The following HPSE2 variants were observed in gnomAD, a reference collection of about 807,000 sequenced individuals.
The protein encoded by HPSE2 is inactive heparanase-2.
HPSE2 carries 38 observed loss-of-function variants against 60.5 expected under a neutral mutation model. The observed-to-expected ratio is 0.63, with a 90% CI of 0.48 to 0.82. HPSE2 has a LOEUF of 0.82. Ranked by LOEUF, HPSE2 falls within the 40% of genes least tolerant of loss-of-function variation. HPSE2 has a pLI of 0.00. For missense variants in HPSE2, 713 were observed against 740.4 expected (o/e 0.96, Z 0.43); for synonymous variants, 295 against 293.2 (o/e 1.01, Z -0.06).
At chr10:98,978,540 G>GTAGC (rs2135290687) in intron 3 of HPSE2, among the ~76,000 whole-genome samples, 1 of 152,218 alleles carries the variant, frequency 6.6e-6, no homozygotes, top group South Asian at 2.1e-4. Context: ...TAGCCAACTG[G>GTAGC]TAGCTTATTC....
intron 9 of HPSE2, among the ~76,000 whole-genome samples, chr10:98,605,737 G>T (rs562791647): frequency 2.0e-5 from 3 of 152,206 alleles, no homozygotes; most frequent in Admixed American, 1.3e-4. Flanking sequence ...AGCATCAGGT[G>T]CAGGGAGCTT....
chr10:99,232,244 CACACACACACACGAACACACAG>C, intron 2 of HPSE2, 82 bp downstream of exon 2: 6 of 1,350,332 alleles, frequency 4.4e-6, no homozygotes, highest in East Asian at 2.5e-5. Flanking sequence ...CACACACACA[CACACACACACACGAACACACAG>C]ACACACGAAC....
At chr10:98,505,089 T>C (rs1942157235) in intron 9 of HPSE2, among the ~76,000 whole-genome samples, 2 of 152,232 alleles carry the variant, frequency 1.3e-5, no homozygotes, top group South Asian at 4.1e-4. Flanking sequence ...AATTTATTTA[T>C]CTATTCTCCT....
At chr10:98,468,787 G>C (rs570408912) in intron 11 of HPSE2, among the ~76,000 whole-genome samples, 1 of 152,202 alleles carries the variant, frequency 6.6e-6, no homozygotes, top group East Asian at 1.9e-4. Context: ...TTAACAGAGA[G>C]GACTGTAAGG....
chr10:98,798,427 T>C (rs1950829225), intron 3 of HPSE2, among the ~76,000 whole-genome samples: 1 of 152,124 alleles, frequency 6.6e-6, no homozygotes, highest in Non-Finnish European at 1.5e-5. Flanking sequence ...CATGAAAACA[T>C]AGCATATTGT....
At chr10:98,989,318 A>G (rs1956460764) in intron 3 of HPSE2, among the ~76,000 whole-genome samples, 1 of 152,192 alleles carries the variant, frequency 6.6e-6, no homozygotes, top group East Asian at 1.9e-4. Context: ...AGGCAGCCAT[A>G]AAAAATGATG....
intron 9 of HPSE2, among the ~76,000 whole-genome samples, chr10:98,562,052 C>G (rs896034746): frequency 6.7e-6 from 1 of 148,820 alleles, no homozygotes; most frequent in Non-Finnish European, 1.5e-5. Flanking sequence ...CTGCTCTATA[C>G]AGGTGTACCA....
At chr10:98,974,300 GAAAA>G (rs1446002568) in intron 3 of HPSE2, among the ~76,000 whole-genome samples, 1 of 150,596 alleles carries the variant, frequency 6.6e-6, no homozygotes, top group East Asian at 2.0e-4. Flanking sequence ...AAAAAAGAAA[GAAAA>G]GAAAGAAAGA....
At chr10:99,215,051 C>T (rs1051274263) in intron 2 of HPSE2, among the ~76,000 whole-genome samples, 1 of 152,080 alleles carries the variant, frequency 6.6e-6, no homozygotes, top group Non-Finnish European at 1.5e-5. Flanking sequence ...GGATTTAGTA[C>T]CAGAAGTACC....
At chr10:99,161,631 T>A (rs976918828) in intron 2 of HPSE2, among the ~76,000 whole-genome samples, 4 of 152,200 alleles carry the variant, frequency 2.6e-5, no homozygotes, top group African/African-American at 9.6e-5. Context: ...ATACATTTCA[T>A]AGAAATAATT....
At chr10:98,889,950 A>G (rs1352839981) in intron 3 of HPSE2, among the ~76,000 whole-genome samples, 1 of 152,190 alleles carries the variant, frequency 6.6e-6, no homozygotes, top group Non-Finnish European at 1.5e-5. Flanking sequence ...AACTCTTTAC[A>G]AGGAAAATTT....
chr10:99,248,893 G>A, the HPSE2 span, among the ~76,000 whole-genome samples: 30 of 152,340 alleles, frequency 2.0e-4, no homozygotes, highest in East Asian at 3.1e-3. Flanking sequence ...TCCAGAGGGT[G>A]CAAACCATAA....
chr10:98,982,730 A>C (rs1429694363), intron 3 of HPSE2, among the ~76,000 whole-genome samples: 1 of 152,196 alleles, frequency 6.6e-6, no homozygotes, highest in Non-Finnish European at 1.5e-5. Context: ...CAAGGAAAAT[A>C]AACTGTGCTT....
intron 3 of HPSE2, among the ~76,000 whole-genome samples, chr10:99,034,616 C>T (rs1418416248): frequency 3.3e-5 from 5 of 152,088 alleles, no homozygotes; most frequent in African/African-American, 7.2e-5. Context: ...AAAACAGACA[C>T]ATGTGTGTAT....
intron 3 of HPSE2, among the ~76,000 whole-genome samples, chr10:98,945,230 T>C (rs1361652881): frequency 6.6e-6 from 1 of 152,186 alleles, no homozygotes; most frequent in Non-Finnish European, 1.5e-5. Context: ...CGGCTCTTAC[T>C]GATTAACATG....
chr10:99,050,301 CAA>C (rs552611645), intron 3 of HPSE2, among the ~76,000 whole-genome samples: 1 of 126,500 alleles, frequency 7.9e-6, no homozygotes. Flanking sequence ...GACTCTGTCT[CAA>C]AAAAAAAAAA....
chr10:99,286,002 A>G, the HPSE2 span, among the ~76,000 whole-genome samples: 2 of 152,212 alleles, frequency 1.3e-5, no homozygotes, highest in African/African-American at 4.8e-5. Flanking sequence ...GGAAATGCAA[A>G]TCAAAACCAC....
chr10:98,611,349 C>A (rs936864914), intron 9 of HPSE2, among the ~76,000 whole-genome samples: 2 of 152,080 alleles, frequency 1.3e-5, no homozygotes, highest in Non-Finnish European at 2.9e-5. Context: ...GGCTAGAATG[C>A]CACAAACTGG....
chr10:99,007,878 G>T (rs1297614031), intron 3 of HPSE2, among the ~76,000 whole-genome samples: 2 of 152,214 alleles, frequency 1.3e-5, no homozygotes, highest in Non-Finnish European at 2.9e-5. Flanking sequence ...TGGACCTAAA[G>T]CGGAGATTCA....
Sources: allele counts gnomAD v4.1 joint callset (sites outside exome capture counted in the v4.1 genomes callset), GRCh38; gene constraint gnomAD v4.1.1; transcripts MANE v1.5; gene names NCBI Gene and HGNC (gene_info 2026-07-23, HGNC 2026-07-21).